KDM4C: variants seen among roughly 807,000 people sequenced by gnomAD.
KDM4C encodes the protein lysine-specific demethylase 4C.
A neutral mutation model predicts 129.3 loss-of-function variants in KDM4C; 81 were observed. That is an observed-to-expected ratio of 0.63 (90% CI 0.52 to 0.75). The LOEUF (loss-of-function observed/expected upper bound fraction) is 0.75, where lower values mean the gene tolerates loss of function less well. KDM4C is among the 30% of genes least tolerant of loss of function. The probability of loss-of-function intolerance (pLI) is 0.00; values close to 1 mark genes in which losing one functional copy is unlikely to be tolerated. For missense variants in KDM4C, 1,457 were observed against 1,304.0 expected (o/e 1.12, Z -1.81); for synonymous variants, 573 against 456.1 (o/e 1.26, Z -3.26).
rs1265468212 is a variant in KDM4C, at chr9:6,821,653, C to T, written c.435+6908C>T. Among the ~76,000 whole-genome samples, 5 of 146,196 alleles carry T rather than the reference C, an allele frequency of 3.4e-5. No homozygotes were observed. The Admixed American group carries it at 3.4e-4, about 10-fold the overall frequency. On this transcript the variant is annotated intron_variant, in intron 4 of 21. Coordinates refer to ENST00000381309, the MANE Select transcript of KDM4C (RefSeq NM_015061.6). ...GTCAGGTCTTAGCCTCTCTTTCATT[C>T]TTTTTTTTTTTGAGATGGAGTATGC...
chr9:7,147,967 C>T (rs1032429910), intron 19 of KDM4C, among the ~76,000 whole-genome samples: 2 of 152,190 alleles, frequency 1.3e-5, no homozygotes, highest in Non-Finnish European at 2.9e-5. Context: ...TGCTACTGGC[C>T]CGGATCCCGT....
intron 8 of KDM4C, among the ~76,000 whole-genome samples, chr9:6,960,718 C>G (rs1038693811): frequency 6.6e-6 from 1 of 152,186 alleles, no homozygotes; most frequent in Non-Finnish European, 1.5e-5. Context: ...AATGCCCACC[C>G]TTTGTAGGCA....
At chr9:6,823,864 A>G (rs1833444033) in intron 4 of KDM4C, among the ~76,000 whole-genome samples, 1 of 152,234 alleles carries the variant, frequency 6.6e-6, no homozygotes, top group South Asian at 2.1e-4. Context: ...AACTCTTCGT[A>G]GGCTTCTGTA....
chr9:6,945,915 A>T (rs1465059275), intron 8 of KDM4C, among the ~76,000 whole-genome samples: 1 of 152,144 alleles, frequency 6.6e-6, no homozygotes, highest in Non-Finnish European at 1.5e-5. Context: ...GAACTCACAG[A>T]TTTTATGATA....
In KDM4C at chr9:7,036,600, T is replaced by C. The variant is rs1056885156; in HGVS notation, c.2260-10262T>C. Among the ~76,000 whole-genome samples, 4 of 152,234 alleles carry C rather than the reference T, an allele frequency of 2.6e-5. No homozygotes were observed. In the South Asian group the frequency reaches 8.3e-4, roughly 32 times the overall value. ...TGTCGTCTGCTGATATTTAAATAGA[T>C]AAAATATAGTAAGTTTACTTGGTTA... is the stretch of plus-strand genomic sequence containing the variant. On this transcript the variant is annotated intron_variant, in intron 15 of 21. Coordinates refer to ENST00000381309, the MANE Select transcript of KDM4C (RefSeq NM_015061.6).
At chr9:6,893,395 G>A in intron 8 of KDM4C, 163 bp downstream of exon 8, 2 of 451,670 alleles carry the variant, frequency 4.4e-6, no homozygotes, top group East Asian at 7.1e-5. Flanking sequence ...ATTTTACATA[G>A]CCAATATTAC....
chr9:6,863,793 C>CA (rs999369554), intron 5 of KDM4C, among the ~76,000 whole-genome samples: 3,140 of 69,974 alleles, frequency 0.045, 97 homozygotes, highest in African/African-American at 0.088. Flanking sequence ...GACTCCATCT[C>CA]AAAAAAAAAA....
At chr9:6,743,535 T>A (rs1429238704) in intron 1 of KDM4C, among the ~76,000 whole-genome samples, 1 of 147,914 alleles carries the variant, frequency 6.8e-6, no homozygotes, top group Non-Finnish European at 1.5e-5. Context: ...TGAGAGGGAG[T>A]CTCACTCTGT....
chr9:6,929,770 G>C (rs1823335986), intron 8 of KDM4C, among the ~76,000 whole-genome samples: 1 of 152,038 alleles, frequency 6.6e-6, no homozygotes, highest in African/African-American at 2.4e-5. Flanking sequence ...ATACTTTTGT[G>C]GGTGCCAAAA....
At chr9:7,110,796 C>T (rs769650726) in intron 18 of KDM4C, among the ~76,000 whole-genome samples, 2 of 152,170 alleles carry the variant, frequency 1.3e-5, no homozygotes, top group Non-Finnish European at 2.9e-5. Flanking sequence ...TTTAAACCGA[C>T]CTGAAACCAA....
chr9:7,023,867 C>A (rs933283548), intron 15 of KDM4C, among the ~76,000 whole-genome samples: 2 of 151,994 alleles, frequency 1.3e-5, no homozygotes, highest in African/African-American at 2.4e-5. Flanking sequence ...TTTCAATTTC[C>A]TTCTTAGTTT....
At chr9:7,127,843 C>A (rs1286027020) in intron 18 of KDM4C, 16 of 394,360 alleles carry the variant, frequency 4.1e-5, no homozygotes, top group Non-Finnish European at 6.7e-5. Flanking sequence ...AATGGATGAA[C>A]CTGGGTAAAG....
At chr9:7,073,798 C>T (rs576774222) in intron 17 of KDM4C, among the ~76,000 whole-genome samples, 1 of 152,158 alleles carries the variant, frequency 6.6e-6, no homozygotes, top group African/African-American at 2.4e-5. Context: ...GTAGTTCACT[C>T]TTGCCTGGTG....
In KDM4C at chr9:6,944,002, G is replaced by A. The variant is rs7870821; in HGVS notation, c.922-36923G>A. Among the ~76,000 whole-genome samples the A allele has an allele frequency of 5.6e-3, 859 of 152,224 alleles. 15 individuals carry two copies. Among genetic ancestry groups the A allele is most frequent in the African/African-American group, 0.02 (811 of 41,530 alleles). Reference sequence around the variant, plus strand: ...CCTTGCTAATTTTCAGTCATGTCGGGCCTATTTAAATGTAAAAATGTCATA... The same window carrying A: ...CCTTGCTAATTTTCAGTCATGTCGGACCTATTTAAATGTAAAAATGTCATA... On this transcript the variant is annotated intron_variant, in intron 8 of 21. Transcript: ENST00000381309.
At chr9:6,819,152 G>A (rs1457197605) in intron 4 of KDM4C, 1 of 152,124 alleles carries the variant, frequency 6.6e-6, no homozygotes, top group Non-Finnish European at 1.5e-5. Flanking sequence ...GTTAGAAGCA[G>A]CATGTTTGGG....
intron 8 of KDM4C, among the ~76,000 whole-genome samples, chr9:6,914,473 G>A (rs912572939): frequency 6.6e-6 from 1 of 152,124 alleles, no homozygotes; most frequent in Non-Finnish European, 1.5e-5. Flanking sequence ...ACATGCTTTT[G>A]GTAAGATCAG....
chr9:7,011,638 C>T (rs1466543727), intron 12 of KDM4C, 60 bp from the exon 13 acceptor site: 5 of 1,432,436 alleles, frequency 3.5e-6, no homozygotes, highest in Non-Finnish European at 4.9e-6. Context: ...CTTTTGTACT[C>T]AGGGTGATTG....
chr9:6,959,806 TAAAAG>T (rs1207741411), intron 8 of KDM4C, among the ~76,000 whole-genome samples: 1 of 152,156 alleles, frequency 6.6e-6, no homozygotes, highest in Admixed American at 6.5e-5. Context: ...TCAGTTGTAA[TAAAAG>T]GAAATGCCTG....
intron 12 of KDM4C, 78 bp downstream of exon 12, chr9:6,990,602 A>T (rs1228575631): frequency 1.1e-6 from 1 of 900,800 alleles, no homozygotes; most frequent in African/African-American, 1.7e-5. Context: ...AAAATTGCTG[A>T]ATAGAAAAAA....
Sources: allele counts gnomAD v4.1 joint callset (sites outside exome capture counted in the v4.1 genomes callset), GRCh38; gene constraint gnomAD v4.1.1; transcripts MANE v1.5; gene names NCBI Gene and HGNC (gene_info 2026-07-23, HGNC 2026-07-21).